LONP2: variants seen among roughly 807,000 people sequenced by gnomAD.
LONP2 encodes lon protease homolog 2, peroxisomal.
LONP2 carries 60 observed loss-of-function variants against 85.6 expected under a neutral mutation model. That is an observed-to-expected ratio of 0.70 (90% CI 0.57 to 0.87). LONP2 has a LOEUF of 0.87. Among genes scored for constraint, LONP2 ranks in the 40% least tolerant of loss-of-function variants. LONP2 has a pLI of 0.00. For synonymous variants in LONP2, 395 were observed against 389.7 expected, an observed-to-expected ratio of 1.01 and a Z score of -0.16; for missense variants, 860 against 1,063.5, an observed-to-expected ratio of 0.81 and a Z score of 2.66.
intron 5 of LONP2, among the ~76,000 whole-genome samples, chr16:48,262,161 C>T (rs1971891944): frequency 6.6e-6 from 1 of 152,170 alleles, no homozygotes; most frequent in Non-Finnish European, 1.5e-5. Flanking sequence ...ATATGTAGAA[C>T]ATTTATTATG....
intron 6 of LONP2, 85 bp from the exon 7 acceptor site, chr16:48,269,931 T>A (rs1228404258): frequency 1.5e-5 from 20 of 1,378,104 alleles, no homozygotes; most frequent in Non-Finnish European, 1.8e-5. Flanking sequence ...TCAAAAAAAA[T>A]ATTTTGCCCT....
chr16:48,277,161 G>C (rs1596937095), intron 7 of LONP2, among the ~76,000 whole-genome samples, 177 bp from the exon 8 acceptor site: 1 of 152,186 alleles, frequency 6.6e-6, no homozygotes, highest in East Asian at 1.9e-4. Flanking sequence ...GATAAGATTA[G>C]AATTGAATAT....
rs1359316432 is a variant in LONP2, at chr16:48,356,016, C to G, written c.*4214C>G. On this transcript the variant is annotated 3_prime_UTR_variant, in exon 15 of 15. Coordinates refer to ENST00000285737, the MANE Select transcript of LONP2 (RefSeq NM_031490.5). ...CATCCATGTTTTTACTTGGCTCTGC[C>G]CCTTTAGTGGTCCCTGTGAACCTTA... 4 of 152,162 alleles carry G rather than the reference C, an allele frequency of 2.6e-5. No homozygotes were observed. The highest frequency in any genetic ancestry group is 4.4e-5 in the Non-Finnish European group (3 of 68,046). The allele number at this position is 152,162 out of a possible 1,614,324, so 9.4% of individuals were successfully genotyped here. A position where few individuals can be genotyped will look rare whatever the true frequency, so the allele number is the denominator to read the frequency against.
chr16:48,276,289 C>T (rs1972206582), intron 7 of LONP2, among the ~76,000 whole-genome samples: 1 of 152,164 alleles, frequency 6.6e-6, no homozygotes, highest in African/African-American at 2.4e-5. Flanking sequence ...AAAGTTCACT[C>T]TGTTTATTCT....
downstream of LONP2, chr16:48,360,412 G>A (rs1404311580): frequency 2.0e-5 from 3 of 152,274 alleles, no homozygotes; most frequent in Non-Finnish European, 4.4e-5. Flanking sequence ...TTAGAGTTAA[G>A]TCTACCGCAC....
intron 6 of LONP2, among the ~76,000 whole-genome samples, chr16:48,266,906 C>T (rs1410526329): frequency 6.6e-6 from 1 of 151,670 alleles, no homozygotes; most frequent in East Asian, 1.9e-4. Flanking sequence ...GCATGAGTAA[C>T]ACAGGAAGAC....
intron 14 of LONP2, among the ~76,000 whole-genome samples, chr16:48,348,715 A>G (rs1407349121): frequency 1.3e-5 from 2 of 152,038 alleles, no homozygotes; most frequent in African/African-American, 4.8e-5. Flanking sequence ...GCTTGTCTCA[A>G]ACTCCAGGTC....
At chr16:48,245,212 C>T (rs959383392) in intron 1 of LONP2, among the ~76,000 whole-genome samples, 1 of 152,136 alleles carries the variant, frequency 6.6e-6, no homozygotes, top group African/African-American at 2.4e-5. Flanking sequence ...TGTAAAGGGC[C>T]TTTACTGCTC....
chr16:48,333,791 A>G (rs946804894), intron 11 of LONP2, among the ~76,000 whole-genome samples: 1 of 151,344 alleles, frequency 6.6e-6, no homozygotes, highest in African/African-American at 2.4e-5. Flanking sequence ...CTGATATAAC[A>G]GAGAATTGTT....
chr16:48,311,351 ATTCTTTT>A (rs1333647225), intron 11 of LONP2, among the ~76,000 whole-genome samples: 1 of 150,316 alleles, frequency 6.7e-6, no homozygotes, highest in African/African-American at 2.4e-5. Context: ...ATTTTTTAAA[ATTCTTTT>A]TTCTTTTTTT....
intron 8 of LONP2, among the ~76,000 whole-genome samples, chr16:48,288,905 G>T (rs1433078660): frequency 6.6e-6 from 1 of 152,144 alleles, no homozygotes; most frequent in African/African-American, 2.4e-5. Context: ...ATATGTACCA[G>T]TGTGCCCATA....
At chr16:48,313,339 G>A (rs1973073618) in intron 11 of LONP2, among the ~76,000 whole-genome samples, 1 of 152,036 alleles carries the variant, frequency 6.6e-6, no homozygotes, top group Non-Finnish European at 1.5e-5. Context: ...CAGCTTTTAA[G>A]TTCCAGGGTA....
intron 8 of LONP2, among the ~76,000 whole-genome samples, chr16:48,286,001 T>TG (rs1217792395): frequency 6.6e-6 from 1 of 152,164 alleles, no homozygotes; most frequent in African/African-American, 2.4e-5. Context: ...TTTCTATGAG[T>TG]GACTACTCTA....
At chr16:48,246,960 G>A (rs1971421052) in intron 1 of LONP2, among the ~76,000 whole-genome samples, 2 of 54,260 alleles carry the variant, frequency 3.7e-5, no homozygotes, top group African/African-American at 1.6e-4. Flanking sequence ...ATCAGGTACT[G>A]TGTGATCTGA....
intron 1 of LONP2, among the ~76,000 whole-genome samples, chr16:48,250,068 T>C (rs530349019): frequency 1.3e-4 from 20 of 151,976 alleles, no homozygotes; most frequent in South Asian, 2.1e-4. Context: ...GGTGTGTGCC[T>C]GTAATCCCAG....
Position 48,270,193 on chromosome 16 carries a change from C to T in LONP2, c.1160C>T (p.Ser387Leu). The T allele has an allele frequency of 6.2e-7, 1 of 1,614,026 alleles. No individual in the cohort carries two copies. Among genetic ancestry groups the T allele is most frequent in the Non-Finnish European group, 8.5e-7 (1 of 1,179,952 alleles). Residue 387 changes from serine (S) to leucine (L), a missense_variant, in exon 7 of 15, where the codon TCA (serine) becomes TTA (leucine). Physicochemically the swap from Ser to Leu is moderately radical, Grantham distance 145. This residue lies in a region of LONP2 where 743 missense variants were observed against 917.3 expected (regional missense o/e 0.81). Transcript: ENST00000285737. Reference protein sequence around the residue: ...PGVGKTSVGRSVAKTLGREFH... With the variant: ...PGVGKTSVGRLVAKTLGREFH... Reference sequence around the variant, plus strand: ...GTTGGTAAAACAAGTGTGGGAAGATCAGTGGCCAAGACTCTAGGTCGAGAG... The same window carrying T: ...GTTGGTAAAACAAGTGTGGGAAGATTAGTGGCCAAGACTCTAGGTCGAGAG...
intron 8 of LONP2, among the ~76,000 whole-genome samples, chr16:48,282,770 A>G (rs1375568602): frequency 6.6e-6 from 1 of 152,190 alleles, no homozygotes; most frequent in Non-Finnish European, 1.5e-5. Context: ...TAGGCCAAGT[A>G]ATAACCCTGC....
rs16946055 is a variant in LONP2 at position 48,275,747 on chromosome 16, G to C, written c.1242-1591G>C. On this transcript the variant is annotated intron_variant, in intron 7 of 14. Transcript: ENST00000285737. The stretch of plus-strand genomic sequence containing the variant: ...AAGTTGGGAAGATGAATGGGAGCTG[G>C]ATTGTGAAAAGCCTCGAACTCCAGA... Among the ~76,000 whole-genome samples, 843 of 152,240 alleles carry C rather than the reference G, an allele frequency of 5.5e-3. 6 individuals carry two copies. The highest frequency in any genetic ancestry group is 0.019 in the African/African-American group (792 of 41,556).
chr16:48,295,675 T>C (rs1972653555), intron 8 of LONP2, among the ~76,000 whole-genome samples: 1 of 152,220 alleles, frequency 6.6e-6, no homozygotes, highest in African/African-American at 2.4e-5. Context: ...TAGGGTGTGT[T>C]ACCAAGATGG....
Sources: gnomAD v4.1 joint callset for allele counts (sites outside exome capture counted in the v4.1 genomes callset) on GRCh38, gnomAD v4.1.1 for gene constraint, gnomAD v4.1.1 regional missense constraint, MANE v1.5 for transcripts, NCBI Gene and HGNC (gene_info 2026-07-23, HGNC 2026-07-21) for gene names.